AMBRA1: variants seen among roughly 807,000 people sequenced by gnomAD.
AMBRA1 encodes autophagy and beclin 1 regulator 1.
In AMBRA1, 47 loss-of-function variants were observed where a neutral mutation model predicts 125.4. The ratio of observed to expected loss-of-function variants is 0.37; its 90% CI spans 0.30 to 0.48. AMBRA1 has a LOEUF of 0.48. Among genes scored for constraint, AMBRA1 ranks in the 20% least tolerant of loss-of-function variants. AMBRA1 has a pLI of 0.99. For synonymous variants in AMBRA1, 626 were observed against 655.5 expected (o/e 0.95, Z 0.69); for missense variants, 1,331 against 1,693.4 (o/e 0.79, Z 3.76).
intron 14 of AMBRA1, among the ~76,000 whole-genome samples, 180 bp from the exon 15 acceptor site, chr11:46,418,232 T>C (rs765191919): frequency 1.4e-5 from 2 of 144,748 alleles, no homozygotes; most frequent in African/African-American, 2.5e-5. Context: ...ATTATTTATA[T>C]ATAAATATAT....
chr11:46,549,711 A>G (rs767481056), intron 1 of AMBRA1, among the ~76,000 whole-genome samples: 4 of 152,134 alleles, frequency 2.6e-5, no homozygotes, highest in Non-Finnish European at 2.9e-5. Context: ...TCAAAACTCA[A>G]GCAACGACTT....
chr11:46,593,989 G>GCGC lies in AMBRA1; in HGVS notation c.-285_-283dup, dbSNP rs1311483110. On this transcript the variant is annotated 5_prime_UTR_variant, in exon 1 of 18. Coordinates refer to ENST00000683756, the MANE Select transcript of AMBRA1 (RefSeq NM_001387011.1). ...CGCGGACAACTCAGCCCTCGACCCG[G>GCGC]CGCCGCCGCCGCTCAGGAGACATCA... The GCGC allele has an allele frequency of 7.5e-5, 30 of 398,552 alleles. No homozygotes were observed. The highest frequency in any genetic ancestry group is 3.5e-4 in the Admixed American group (8 of 22,706). The allele number at this position is 398,552 out of a possible 1,614,324, so 24.7% of individuals were successfully genotyped here.
intron 5 of AMBRA1, 80 bp downstream of exon 5, chr11:46,545,524 C>T (rs950563129): frequency 1.3e-6 from 2 of 1,518,122 alleles, no homozygotes; most frequent in Non-Finnish European, 1.8e-6. Context: ...AACAACCTGA[C>T]TTCCAAGGTG....
At chr11:46,551,309 G>A (rs1480864021) in intron 1 of AMBRA1, among the ~76,000 whole-genome samples, 1 of 136,226 alleles carries the variant, frequency 7.3e-6, no homozygotes, top group Non-Finnish European at 1.6e-5. Flanking sequence ...AGTTTGTGGG[G>A]ACTTTATTTT....
At chr11:46,440,549 T>C (rs1947953989) in intron 12 of AMBRA1, among the ~76,000 whole-genome samples, 1 of 151,794 alleles carries the variant, frequency 6.6e-6, no homozygotes, top group Admixed American at 6.6e-5. Flanking sequence ...AGATGACAAT[T>C]AAAGAAAGAA....
intron 1 of AMBRA1, among the ~76,000 whole-genome samples, chr11:46,585,359 AATAAATAAATAATTCC>A (rs2044331675): frequency 6.6e-6 from 1 of 150,516 alleles, no homozygotes; most frequent in Non-Finnish European, 1.5e-5. Flanking sequence ...AAAATAAATA[AATAAATAAATAATTCC>A]AAAAAAAAAA....
At chr11:46,546,029 A>C in intron 4 of AMBRA1, 1 of 222,340 alleles carries the variant, frequency 4.5e-6, no homozygotes, top group Non-Finnish European at 8.5e-6. Flanking sequence ...CACAGTTCCT[A>C]TTTCTTTTTT....
intron 17 of AMBRA1, among the ~76,000 whole-genome samples, chr11:46,401,806 T>C (rs1268983685): frequency 2.0e-5 from 3 of 152,208 alleles, no homozygotes; most frequent in Non-Finnish European, 4.4e-5. Flanking sequence ...CCTATTACCA[T>C]CCTAATTCAG....
intron 9 of AMBRA1, among the ~76,000 whole-genome samples, chr11:46,500,280 A>C (rs1484060229): frequency 6.6e-6 from 1 of 152,156 alleles, no homozygotes; most frequent in Non-Finnish European, 1.5e-5. Context: ...AAAAGGACTT[A>C]GCATTTTTTT....
chr11:46,448,898 G>A (rs1343190792), intron 11 of AMBRA1, among the ~76,000 whole-genome samples: 1 of 151,998 alleles, frequency 6.6e-6, no homozygotes, highest in Non-Finnish European at 1.5e-5. Flanking sequence ...TTACACAAGA[G>A]ACAAATAATC....
At chr11:46,516,673 T>C (rs1208775996) in intron 7 of AMBRA1, among the ~76,000 whole-genome samples, 2 of 152,104 alleles carry the variant, frequency 1.3e-5, no homozygotes, top group Admixed American at 1.3e-4. Context: ...GACCTCATGA[T>C]CCGCCCACCT....
chr11:46,562,371 T>C (rs1245650672), intron 1 of AMBRA1, among the ~76,000 whole-genome samples: 2 of 152,224 alleles, frequency 1.3e-5, no homozygotes, highest in Non-Finnish European at 2.9e-5. Flanking sequence ...TAGCAGACCA[T>C]GATAAAATTT....
chr11:46,496,265 C>A (rs1232068149), intron 9 of AMBRA1, among the ~76,000 whole-genome samples: 4 of 152,034 alleles, frequency 2.6e-5, no homozygotes, highest in African/African-American at 7.2e-5. Context: ...ATCTTGTAAT[C>A]TCAGCTGTTC....
At chr11:46,433,656 T>C in intron 13 of AMBRA1, 28 bp from the exon 14 acceptor site, 1 of 1,604,030 alleles carries the variant, frequency 6.2e-7, no homozygotes, top group Admixed American at 1.7e-5. Context: ...AGAGAAATAT[T>C]TCCTAGGCTT....
At chr11:46,515,872 C>CA (rs1375119362) in intron 7 of AMBRA1, among the ~76,000 whole-genome samples, 18 of 152,200 alleles carry the variant, frequency 1.2e-4, no homozygotes, top group Non-Finnish European at 2.4e-4. Flanking sequence ...GATGGGGTTT[C>CA]ACCATGTTGG....
chr11:46,488,225 G>A (rs1407761032), intron 11 of AMBRA1, among the ~76,000 whole-genome samples: 3 of 152,184 alleles, frequency 2.0e-5, no homozygotes, highest in African/African-American at 7.2e-5. Flanking sequence ...GGAAGCTGGG[G>A]CAGGTAGATC....
At chr11:46,576,727 T>A (rs1439938796) in intron 1 of AMBRA1, among the ~76,000 whole-genome samples, 1 of 152,048 alleles carries the variant, frequency 6.6e-6, no homozygotes, top group Non-Finnish European at 1.5e-5. Flanking sequence ...CTGAACAATA[T>A]CCCTCCAAGA....
chr11:46,542,209 G>C lies in AMBRA1; in HGVS notation c.1808C>G (p.Pro603Arg), dbSNP rs913113636. 2 of 1,613,868 alleles carry C rather than the reference G, an allele frequency of 1.2e-6. No individual in the cohort carries two copies. The highest frequency in any genetic ancestry group is 1.7e-6 in the Non-Finnish European group (2 of 1,179,962). Residue 603 changes from proline (P) to arginine (R), a missense_variant, in exon 7 of 18, where the codon CCC becomes CGC. By Grantham distance (103) the Pro-to-Arg change is moderately radical (BLOSUM62 -2). Coordinates refer to ENST00000683756, the MANE Select transcript of AMBRA1 (RefSeq NM_001387011.1). The surrounding 1 kb of genome is among the most constrained non-coding windows in gnomAD (Gnocchi z 5.9). ...SGEASSSWQV[P>R]SSFESVPSSG... ...TGATGGCACACTCTCAAAGGAGCTG[G>C]GGACCTGCCAAGAGGAACTAGCCTC...
intron 1 of AMBRA1, among the ~76,000 whole-genome samples, chr11:46,566,656 C>G (rs528826208): frequency 5.3e-5 from 8 of 152,260 alleles, no homozygotes; most frequent in Admixed American, 4.6e-4. Flanking sequence ...CTGGGCAAAG[C>G]TTCATTGCAA....
Sources: allele counts gnomAD v4.1 joint callset (sites outside exome capture counted in the v4.1 genomes callset), GRCh38; gene constraint gnomAD v4.1.1; non-coding constraint Gnocchi (gnomAD v3.1); transcripts MANE v1.5; gene names NCBI Gene and HGNC (gene_info 2026-07-23, HGNC 2026-07-21).